CDC14B: variants seen among roughly 807,000 people sequenced by gnomAD.
The protein encoded by CDC14B is dual specificity protein phosphatase CDC14B.
Under a neutral mutation model 64.2 loss-of-function variants are expected in CDC14B, and 22 were observed. The observed-to-expected ratio is 0.34, with a 90% CI of 0.24 to 0.49. CDC14B has a LOEUF of 0.49. Among genes scored for constraint, CDC14B ranks in the 20% least tolerant of loss-of-function variants. CDC14B has a pLI of 0.99. For synonymous variants in CDC14B, 191 were observed against 215.8 expected, an observed-to-expected ratio of 0.89 and a Z score of 1.01; for missense variants, 498 against 629.9, an observed-to-expected ratio of 0.79 and a Z score of 2.24.
chr9:96,498,697 C>T (rs1470040879), downstream of CDC14B, among the ~76,000 whole-genome samples: 1 of 152,232 alleles, frequency 6.6e-6, no homozygotes, highest in Non-Finnish European at 1.5e-5. Context: ...AAATATATGA[C>T]AAAGTAGCGA....
chr9:96,555,286 G>A (rs1255964008), intron 4 of CDC14B, among the ~76,000 whole-genome samples: 1 of 152,190 alleles, frequency 6.6e-6, no homozygotes, highest in Non-Finnish European at 1.5e-5. Context: ...CCCTCGCTCT[G>A]GGTACAGCAA....
intron 5 of CDC14B, among the ~76,000 whole-genome samples, chr9:96,550,725 C>G (rs10991621): frequency 6.6e-6 from 1 of 152,294 alleles, no homozygotes; most frequent in East Asian, 1.9e-4. Context: ...AGTATTTAAA[C>G]TATAGAGCTA....
At position 96,502,000 on chromosome 9, in the gene CDC14B, T is replaced by C. The variant is rs1157998067; in HGVS notation, c.*1753A>G. 1.3e-5 allele frequency: 2 copies of C among 152,234 alleles called. No individual in the cohort carries two copies. The highest frequency in any genetic ancestry group is 3.8e-4 in the East Asian group (2 of 5,202). 9.4% of individuals were successfully genotyped at this position (152,234 alleles called of 1,614,324 possible). A position where few individuals can be genotyped will look rare whatever the true frequency, so the allele number is the denominator to read the frequency against. ...CCCTGAGAATTCAATGCTTTATGCATGGCACAGTTTGAATATTTATATTGT... is the reference window on the plus strand; with the variant it reads ...CCCTGAGAATTCAATGCTTTATGCACGGCACAGTTTGAATATTTATATTGT... On this transcript the variant is annotated 3_prime_UTR_variant, in exon 14 of 14. Transcript: ENST00000375241.
intron 1 of CDC14B, among the ~76,000 whole-genome samples, chr9:96,577,553 A>G (rs1844886058): frequency 6.6e-6 from 1 of 152,186 alleles, no homozygotes; most frequent in Non-Finnish European, 1.5e-5. Flanking sequence ...ATCCCAGGCC[A>G]TGGTGGGACT....
chr9:96,512,860 TAC>T (rs1835107780), intron 12 of CDC14B, among the ~76,000 whole-genome samples: 1 of 151,190 alleles, frequency 6.6e-6, no homozygotes, highest in Non-Finnish European at 1.5e-5. Context: ...TTTTTTTAAA[TAC>T]AACACCTAAT....
At chr9:96,554,343 CA>C (rs1301995235) in intron 4 of CDC14B, among the ~76,000 whole-genome samples, 1 of 152,136 alleles carries the variant, frequency 6.6e-6, no homozygotes, top group Non-Finnish European at 1.5e-5. Context: ...TCAAATTATA[CA>C]AATTTTTCCT....
intron 6 of CDC14B, 52 bp downstream of exon 6, chr9:96,541,774 C>T: frequency 1.5e-6 from 2 of 1,295,950 alleles, no homozygotes; most frequent in African/African-American, 1.5e-5. Flanking sequence ...TTTTCTTGGA[C>T]CGCATGTTAG....
chr9:96,586,247 G>A (rs1472663311), intron 1 of CDC14B, among the ~76,000 whole-genome samples: 1 of 152,128 alleles, frequency 6.6e-6, no homozygotes, highest in South Asian at 2.1e-4. Context: ...CAGAATTAAT[G>A]AAGTATTCTG....
chr9:96,596,864 A>T (rs1196312812), intron 1 of CDC14B, among the ~76,000 whole-genome samples: 5 of 140,018 alleles, frequency 3.6e-5, no homozygotes, highest in East Asian at 2.0e-4. Flanking sequence ...CTCTATCTTT[A>T]AAAAAAAAAA....
intron 1 of CDC14B, among the ~76,000 whole-genome samples, chr9:96,590,207 C>T (rs1845697244): frequency 1.3e-5 from 2 of 152,148 alleles, no homozygotes; most frequent in South Asian, 2.1e-4. Context: ...AGTCTGACTA[C>T]TTTAGATACC....
At chr9:96,568,795 T>C (rs1021690875) in intron 1 of CDC14B, among the ~76,000 whole-genome samples, 2 of 152,046 alleles carry the variant, frequency 1.3e-5, no homozygotes, top group Admixed American at 6.6e-5. Context: ...TGCATGCCTG[T>C]AATCCCAGCT....
intron 12 of CDC14B, chr9:96,514,302 G>C (rs2131379194): frequency 2.0e-6 from 1 of 499,890 alleles, no homozygotes; most frequent in Non-Finnish European, 2.6e-6. Flanking sequence ...ACTTGGAACA[G>C]TTTGAGAAGA....
downstream of CDC14B, among the ~76,000 whole-genome samples, chr9:96,498,165 GCTCCTTTCC>G (rs1833330497): frequency 6.6e-6 from 1 of 152,170 alleles, no homozygotes; most frequent in Non-Finnish European, 1.5e-5. Context: ...CTCCCTAGAT[GCTCCTTTCC>G]AATGCACCCA....
In CDC14B at chr9:96,503,670, T is replaced by C; in HGVS notation, c.*83A>G. 7.8e-7 allele frequency: 1 copy of C among 1,276,288 alleles called. No individual in the cohort carries two copies. The highest frequency in any genetic ancestry group is 1.5e-5 in the African/African-American group (1 of 67,064). 79.1% of individuals were successfully genotyped at this position (1,276,288 alleles called of 1,614,324 possible). ...AAAAGCAACTAAGGCTTTTGCAATTTTGTTTTGTTTTCAAATTGTGCTAAT... is the reference window on the plus strand; with the variant it reads ...AAAAGCAACTAAGGCTTTTGCAATTCTGTTTTGTTTTCAAATTGTGCTAAT... On this transcript the variant is annotated 3_prime_UTR_variant, in exon 14 of 14. Coordinates refer to ENST00000375241, the MANE Select transcript of CDC14B (RefSeq NM_033331.4).
At position 96,612,415 on chromosome 9, in the gene CDC14B, T is replaced by C. The variant is rs535322122; in HGVS notation, c.160+6804A>G. Among the ~76,000 whole-genome samples, 18 of 152,300 alleles carry C rather than the reference T, an allele frequency of 1.2e-4. No individual in the cohort carries two copies. In the East Asian group the frequency reaches 3.3e-3, roughly 28 times the overall value. ...GAGAACACTGATGCAGCCCTGGCCA[T>C]CAATGGGCATCAAGCCAGGCACTTC... On this transcript the variant is annotated intron_variant, in intron 1 of 13. Coordinates refer to ENST00000375241, the MANE Select transcript of CDC14B (RefSeq NM_033331.4).
At chr9:96,539,440 G>A (rs1325175316) in intron 6 of CDC14B, among the ~76,000 whole-genome samples, 3 of 151,776 alleles carry the variant, frequency 2.0e-5, no homozygotes, top group Non-Finnish European at 2.9e-5. Context: ...AAATAATCAC[G>A]CCCTGAAAGT....
intron 6 of CDC14B, among the ~76,000 whole-genome samples, chr9:96,539,699 GA>G (rs1444624018): frequency 6.6e-6 from 1 of 151,828 alleles, no homozygotes; most frequent in African/African-American, 2.4e-5. Context: ...CAAAACTTTT[GA>G]GGAAAAAAAA....
chr9:96,504,765 G>C (rs1016739069), intron 13 of CDC14B, among the ~76,000 whole-genome samples: 2 of 152,196 alleles, frequency 1.3e-5, no homozygotes, highest in Admixed American at 1.3e-4. Flanking sequence ...TGAGGGTCAA[G>C]AGGCAGTGGC....
At chr9:96,503,896 A>T in intron 13 of CDC14B, 107 bp from the exon 14 acceptor site, 1 of 822,710 alleles carries the variant, frequency 1.2e-6, no homozygotes, top group Non-Finnish European at 2.0e-6. Context: ...CATGCTAAAA[A>T]GTATACGCTT....
Sources: gnomAD v4.1 joint callset for allele counts (sites outside exome capture counted in the v4.1 genomes callset) on GRCh38, gnomAD v4.1.1 for gene constraint, MANE v1.5 for transcripts, NCBI Gene and HGNC (gene_info 2026-07-23, HGNC 2026-07-21) for gene names.